The following HORMAD2 variants were observed in gnomAD, a reference collection of about 807,000 sequenced individuals.
The protein encoded by HORMAD2 is HORMA domain-containing protein 2.
Under a neutral mutation model 38.8 loss-of-function variants are expected in HORMAD2, and 45 were observed. That is an observed-to-expected ratio of 1.16 (90% CI 0.91 to 1.49). The LOEUF is 1.49. HORMAD2 is among the 40% of genes most tolerant of loss of function. The pLI is 0.00. For synonymous variants in HORMAD2, 126 were observed against 122.8 expected (o/e 1.03, Z -0.17); for missense variants, 338 against 367.0 (o/e 0.92, Z 0.65).
the HORMAD2 span, among the ~76,000 whole-genome samples, chr22:30,183,531 G>T: frequency 6.6e-6 from 1 of 152,130 alleles, no homozygotes; most frequent in Non-Finnish European, 1.5e-5. Flanking sequence ...ACCTACATGT[G>T]CTCATTCATT....
At chr22:30,153,081 C>A (rs1056816733) in intron 10 of HORMAD2, among the ~76,000 whole-genome samples, 4 of 152,006 alleles carry the variant, frequency 2.6e-5, no homozygotes, top group Admixed American at 1.3e-4. Context: ...AGTTTCCCCC[C>A]ATCTCAGCAC....
chr22:30,179,411 T>G (rs1926610174), downstream of HORMAD2, among the ~76,000 whole-genome samples: 2 of 152,234 alleles, frequency 1.3e-5, no homozygotes, highest in Admixed American at 1.3e-4. Context: ...ATTTGTGTAC[T>G]GAGGTCATGG....
chr22:30,133,736 A>C (rs1031521791), intron 10 of HORMAD2, among the ~76,000 whole-genome samples: 1 of 152,104 alleles, frequency 6.6e-6, no homozygotes, highest in Non-Finnish European at 1.5e-5. Flanking sequence ...CAGTATAACT[A>C]CATAGCATTT....
At chr22:30,196,276 T>G in the HORMAD2 span, among the ~76,000 whole-genome samples, 1 of 152,232 alleles carries the variant, frequency 6.6e-6, no homozygotes, top group South Asian at 2.1e-4. Flanking sequence ...GCTTCAGTCA[T>G]GACTCAGGAT....
chr22:30,085,822 T>C (rs1455734099), intron 1 of HORMAD2, among the ~76,000 whole-genome samples: 2 of 152,220 alleles, frequency 1.3e-5, no homozygotes, highest in Non-Finnish European at 2.9e-5. Flanking sequence ...AGACACAATT[T>C]TGCTCTCATG....
chr22:30,115,426 A>C (rs1569094076), intron 7 of HORMAD2, among the ~76,000 whole-genome samples: 1 of 152,146 alleles, frequency 6.6e-6, no homozygotes. Context: ...CCTTTAATAG[A>C]TTGCCTCATA....
At chr22:30,144,483 TG>T (rs1209571633) in intron 10 of HORMAD2, among the ~76,000 whole-genome samples, 1 of 152,252 alleles carries the variant, frequency 6.6e-6, no homozygotes, top group Non-Finnish European at 1.5e-5. Context: ...ATAAAGTCAC[TG>T]TCTTTGGAAA....
intron 7 of HORMAD2, among the ~76,000 whole-genome samples, chr22:30,116,026 T>A (rs1180091520): frequency 6.6e-6 from 1 of 152,226 alleles, no homozygotes; most frequent in African/African-American, 2.4e-5. Context: ...GAGACTAATG[T>A]CTACTTCAGA....
chr22:30,147,701 C>G (rs1601573361), intron 10 of HORMAD2, among the ~76,000 whole-genome samples: 1 of 152,058 alleles, frequency 6.6e-6, no homozygotes, highest in Non-Finnish European at 1.5e-5. Context: ...ATTCTTAATA[C>G]CTATATCTGA....
At chr22:30,166,493 A>G (rs1488258828) in intron 10 of HORMAD2, among the ~76,000 whole-genome samples, 3 of 152,220 alleles carry the variant, frequency 2.0e-5, no homozygotes, top group Non-Finnish European at 2.9e-5. Flanking sequence ...GCTAATAGCT[A>G]TCATATTAGA....
chr22:30,205,900 G>C, the HORMAD2 span, among the ~76,000 whole-genome samples: 226 of 152,254 alleles, frequency 1.5e-3, 1 homozygote, highest in African/African-American at 5.2e-3. Context: ...AAGCAGGGCA[G>C]GGACATTCCC....
chr22:30,179,612 A>G (rs188610761), downstream of HORMAD2, among the ~76,000 whole-genome samples: 4 of 152,308 alleles, frequency 2.6e-5, no homozygotes, highest in East Asian at 3.9e-4. Flanking sequence ...TGGGTGCACA[A>G]TATCTCTGCA....
the HORMAD2 span, among the ~76,000 whole-genome samples, chr22:30,187,500 T>TG: frequency 7.9e-6 from 1 of 127,022 alleles, no homozygotes; most frequent in East Asian, 2.1e-4. Context: ...GTATATTTCC[T>TG]TTGTGTGTGT....
At chr22:30,088,851 A>G (rs1459624351) in intron 1 of HORMAD2, among the ~76,000 whole-genome samples, 1 of 151,994 alleles carries the variant, frequency 6.6e-6, no homozygotes, top group African/African-American at 2.4e-5. Flanking sequence ...TTATGGTTTA[A>G]TGGGCTGGGA....
chr22:30,157,536 A>G (rs1393789132), intron 10 of HORMAD2, among the ~76,000 whole-genome samples: 1 of 152,124 alleles, frequency 6.6e-6, no homozygotes, highest in East Asian at 1.9e-4. Context: ...TACCATAAAA[A>G]AAGTCAGACG....
chr22:30,098,758 C>T, intron 2 of HORMAD2, 94 bp from the exon 3 acceptor site: 2 of 1,062,696 alleles, frequency 1.9e-6, no homozygotes, highest in Non-Finnish European at 2.6e-6. Context: ...ATTTGAAGTC[C>T]TGAGAAATCT....
At chr22:30,146,033 T>A (rs1924392707) in intron 10 of HORMAD2, among the ~76,000 whole-genome samples, 1 of 152,226 alleles carries the variant, frequency 6.6e-6, no homozygotes, top group Non-Finnish European at 1.5e-5. Context: ...TAATGTGTCA[T>A]GACTAATGTG....
At chr22:30,116,011 A>G (rs1922017262) in intron 7 of HORMAD2, among the ~76,000 whole-genome samples, 1 of 152,238 alleles carries the variant, frequency 6.6e-6, no homozygotes, top group South Asian at 2.1e-4. Context: ...AGCTACATCA[A>G]TAATGAGACT....
upstream of HORMAD2, among the ~76,000 whole-genome samples, chr22:30,078,559 T>G (rs955114708): frequency 8.6e-6 from 1 of 116,064 alleles, no homozygotes; most frequent in Non-Finnish European, 1.6e-5. Context: ...CGAGCCAATA[T>G]CACGCCACTG....
Sources: gnomAD v4.1 joint callset for allele counts (sites outside exome capture counted in the v4.1 genomes callset) on GRCh38, gnomAD v4.1.1 for gene constraint, MANE v1.5 for transcripts, NCBI Gene and HGNC (gene_info 2026-07-23, HGNC 2026-07-21) for gene names.